RNF10: variants seen among roughly 807,000 people sequenced by gnomAD.
RNF10 encodes ring finger protein 10.
A neutral mutation model predicts 91.4 loss-of-function variants in RNF10; 38 were observed. The ratio of observed to expected loss-of-function variants is 0.42; its 90% CI spans 0.32 to 0.54. The LOEUF is 0.54. Ranked by LOEUF, RNF10 falls within the 20% of genes least tolerant of loss-of-function variation. RNF10 has a pLI of 0.16. For missense variants in RNF10, 945 were observed against 1,012.0 expected (o/e 0.93, Z 0.90); for synonymous variants, 364 against 366.3 (o/e 0.99, Z 0.07).
intron 6 of RNF10, among the ~76,000 whole-genome samples, chr12:120,559,025 AATT>A (rs1874428120): frequency 6.8e-6 from 1 of 146,788 alleles, no homozygotes. Flanking sequence ...AAATAATTAA[AATT>A]AATTTAATTA....
chr12:120,542,689 A>T (rs1281609219), intron 1 of RNF10, among the ~76,000 whole-genome samples: 1 of 152,034 alleles, frequency 6.6e-6, no homozygotes, highest in African/African-American at 2.4e-5. Context: ...AGTAGCTGGG[A>T]TTACAGGCGT....
chr12:120,561,390 A>G (rs1397933484), intron 7 of RNF10, among the ~76,000 whole-genome samples: 4 of 152,220 alleles, frequency 2.6e-5, no homozygotes, highest in South Asian at 4.1e-4. Flanking sequence ...TTCTTGAAGC[A>G]TCACAACCAC....
At chr12:120,556,707 C>T (rs899778497) in intron 4 of RNF10, among the ~76,000 whole-genome samples, 2 of 151,704 alleles carry the variant, frequency 1.3e-5, no homozygotes, top group African/African-American at 4.8e-5. Flanking sequence ...CTTTTTAGGC[C>T]TTTATGCATA....
intron 10 of RNF10, among the ~76,000 whole-genome samples, chr12:120,564,546 G>A (rs1331031231): frequency 6.6e-6 from 1 of 152,140 alleles, no homozygotes; most frequent in African/African-American, 2.4e-5. Flanking sequence ...GATCACCTGA[G>A]CTGGGGAGAT....
intron 8 of RNF10, 134 bp from the exon 9 acceptor site, chr12:120,563,213 C>T: frequency 6.8e-7 from 1 of 1,478,698 alleles, no homozygotes; most frequent in Non-Finnish European, 9.3e-7. Context: ...GTTCTTTCCC[C>T]AGGGGTGTTA....
At chr12:120,545,131 A>G (rs1308026984) in intron 1 of RNF10, among the ~76,000 whole-genome samples, 2 of 152,190 alleles carry the variant, frequency 1.3e-5, no homozygotes. Flanking sequence ...ATTCTACACT[A>G]TTTTCAGAAT....
At position 120,534,753 on chromosome 12, in the gene RNF10, C is replaced by T. The variant is rs778043432; in HGVS notation, c.-59C>T. ...CCCCGCCGGCCCTGAACGCCATGAG[C>T]CTGGGTCCCCGCCGCGCCCGCTCCG... is the stretch of plus-strand genomic sequence containing the variant. On this transcript the variant is annotated 5_prime_UTR_variant, in exon 1 of 17. Transcript: ENST00000325954. 6.6e-7 allele frequency: 1 copy of T among 1,512,212 alleles called. No individual in the cohort carries two copies. Among genetic ancestry groups the T allele is most frequent in the Non-Finnish European group, 8.8e-7 (1 of 1,138,076 alleles). 93.7% of individuals were successfully genotyped at this position (1,512,212 alleles called of 1,614,324 possible). A position where few individuals can be genotyped will look rare whatever the true frequency, so the allele number is the denominator to read the frequency against.
Position 120,552,684 on chromosome 12 carries a change from C to T in RNF10, c.540C>T (p.Leu180=), listed in dbSNP as rs1293771011. ...GACATAAGCCTTTTAACAAGGAACT[C>T]TTTTTACAGGCCAAGTGAGTATTGC... ...KWGHKPFNKE[L]FLQANCQFVV... The change falls in exon 3 of 17, where the codon CTC becomes CTT. Residue 180 remains leucine (L), a synonymous_variant. Transcript: ENST00000325954. 6.2e-7 allele frequency: 1 copy of T among 1,613,914 alleles called. No individual in the cohort carries two copies. The highest frequency in any genetic ancestry group is 8.5e-7 in the Non-Finnish European group (1 of 1,179,976).
At chr12:120,541,108 C>T (rs569567950) in intron 1 of RNF10, among the ~76,000 whole-genome samples, 128 of 152,288 alleles carry the variant, frequency 8.4e-4, no homozygotes, top group Middle Eastern at 3.4e-3. Context: ...CCGCCCGCCT[C>T]GGCCTCCCAA....
intron 6 of RNF10, 78 bp downstream of exon 6, chr12:120,557,760 A>G: frequency 2.0e-6 from 3 of 1,523,272 alleles, no homozygotes; most frequent in Non-Finnish European, 2.7e-6. Flanking sequence ...AGCATCAGAA[A>G]GTGAAGCCTT....
At chr12:120,560,302 C>G (rs1874658656) in intron 6 of RNF10, among the ~76,000 whole-genome samples, 1 of 152,054 alleles carries the variant, frequency 6.6e-6, no homozygotes, top group South Asian at 2.1e-4. Context: ...CAGGCATGCC[C>G]TACCAGGCCC....
chr12:120,558,970 T>C (rs1252275942), intron 6 of RNF10, among the ~76,000 whole-genome samples: 1 of 151,956 alleles, frequency 6.6e-6, no homozygotes, highest in East Asian at 1.9e-4. Context: ...TCGCCTGGGC[T>C]GGAGTGCAGT....
At chr12:120,544,968 G>A (rs1385736066) in intron 1 of RNF10, among the ~76,000 whole-genome samples, 3 of 152,190 alleles carry the variant, frequency 2.0e-5, no homozygotes, top group Non-Finnish European at 4.4e-5. Context: ...GACTAGGGAT[G>A]CATAAAAATG....
intron 2 of RNF10, among the ~76,000 whole-genome samples, chr12:120,551,290 G>GTTTTTTTTTTTT (rs63002361): frequency 1.2e-5 from 1 of 83,220 alleles, no homozygotes; most frequent in African/African-American, 4.7e-5. Flanking sequence ...CCATCCTAGT[G>GTTTTTTTTTTTT]TTTTTTTTTT....
intron 7 of RNF10, among the ~76,000 whole-genome samples, chr12:120,562,246 A>C (rs1235932583): frequency 9.1e-6 from 1 of 110,230 alleles, no homozygotes; most frequent in Admixed American, 9.3e-5. Flanking sequence ...TGTGTGCGAT[A>C]TTTGGTTTTT....
intron 7 of RNF10, among the ~76,000 whole-genome samples, chr12:120,562,601 A>G (rs1044369632): frequency 6.6e-6 from 1 of 151,956 alleles, no homozygotes; most frequent in African/African-American, 2.4e-5. Flanking sequence ...AGAATGATTT[A>G]TATTCCTTTG....
At position 120,565,084 on chromosome 12, in the gene RNF10, C is replaced by A; in HGVS notation, c.1678C>A (p.Arg560Ser). 6.2e-7 allele frequency: 1 copy of A among 1,612,654 alleles called. No homozygotes were observed. Among genetic ancestry groups the A allele is most frequent in the Non-Finnish European group, 8.5e-7 (1 of 1,178,656 alleles). Reference sequence around the variant, plus strand: ...TTTTCCAATGTAGGATGTTCGACAGCGTCACAGATATCTCTCTCACTTGCC... The same window carrying A: ...TTTTCCAATGTAGGATGTTCGACAGAGTCACAGATATCTCTCTCACTTGCC... ...GYSMSEDVRQ[R>S]HRYLSHLPLT... Residue 560 changes from arginine (R) to serine (S), a missense_variant, in exon 11 of 17, where the codon CGT (arginine) becomes AGT (serine). Transcript: ENST00000325954.
In RNF10 at chr12:120,563,563, C is replaced by T. The variant is rs1165458918; in HGVS notation, c.1471C>T (p.Pro491Ser). ...TICTESSQQE[P>S]ITKSGFTRLS... ...TTGCACTGAGTCCAGCCAGCAGGAA[C>T]CCATCACCAAGTCAGGCTTCACACG... The change falls in exon 9 of 17, where the codon CCC (proline) becomes TCC (serine). Residue 491 changes from proline to serine, a missense_variant. Transcript: ENST00000325954. 3.1e-6 allele frequency: 5 copies of T among 1,613,648 alleles called. No individual in the cohort carries two copies. The highest frequency in any genetic ancestry group is 2.5e-6 in the Non-Finnish European group (3 of 1,179,828).
At chr12:120,572,152 C>T (rs1443217826) in intron 14 of RNF10, among the ~76,000 whole-genome samples, 4 of 152,028 alleles carry the variant, frequency 2.6e-5, no homozygotes, top group African/African-American at 9.6e-5. Flanking sequence ...CTGTAAGCTC[C>T]GCCTCCCGGG....
Sources: gnomAD v4.1 joint callset for allele counts (sites outside exome capture counted in the v4.1 genomes callset) on GRCh38, gnomAD v4.1.1 for gene constraint, MANE v1.5 for transcripts, NCBI Gene and HGNC (gene_info 2026-07-23, HGNC 2026-07-21) for gene names.